DNAH14: variants seen among roughly 807,000 people sequenced by gnomAD.
DNAH14 encodes the protein dynein axonemal heavy chain 14.
Under a neutral mutation model 520.9 loss-of-function variants are expected in DNAH14, and 478 were observed. The ratio of observed to expected loss-of-function variants is 0.92; its 90% CI spans 0.85 to 0.99. The LOEUF (loss-of-function observed/expected upper bound fraction) is 0.99, where lower values mean the gene tolerates loss of function less well. Ranked by LOEUF, DNAH14 falls within the 50% of genes least tolerant of loss-of-function variation. DNAH14 has a pLI of 0.00. For synonymous variants in DNAH14, 1,581 were observed against 1,757.2 expected, an observed-to-expected ratio of 0.90 and a Z score of 2.51; for missense variants, 4,831 against 5,234.5, an observed-to-expected ratio of 0.92 and a Z score of 2.38.
At chr1:225,072,986 G>C (rs540512493) in intron 17 of DNAH14, among the ~76,000 whole-genome samples, 1 of 152,152 alleles carries the variant, frequency 6.6e-6, no homozygotes, top group African/African-American at 2.4e-5. Context: ...GAATGGGATT[G>C]GGAACCCACT....
intron 75 of DNAH14, among the ~76,000 whole-genome samples, chr1:225,363,848 GTC>G (rs1316302258): frequency 6.6e-6 from 1 of 152,136 alleles, no homozygotes; most frequent in Non-Finnish European, 1.5e-5. Flanking sequence ...AAAGAAAAAA[GTC>G]TGTATAGGTT....
At chr1:224,948,472 T>C (rs2059981461) in intron 1 of DNAH14, among the ~76,000 whole-genome samples, 2 of 151,972 alleles carry the variant, frequency 1.3e-5, no homozygotes, top group Non-Finnish European at 2.9e-5. Flanking sequence ...GTTTCGGAAA[T>C]TTGTCTTTTG....
At chr1:225,138,859 G>C (rs558640761) in intron 27 of DNAH14, among the ~76,000 whole-genome samples, 4 of 151,936 alleles carry the variant, frequency 2.6e-5, no homozygotes, top group Non-Finnish European at 5.9e-5. Context: ...TTCCCGATGC[G>C]AGAACCTGGA....
intron 36 of DNAH14, among the ~76,000 whole-genome samples, chr1:225,178,722 G>T (rs539375516): frequency 3.3e-5 from 5 of 152,170 alleles, no homozygotes; most frequent in Non-Finnish European, 5.9e-5. Flanking sequence ...GACTTTGGGG[G>T]ACTGTTGGGA....
At chr1:224,999,524 A>G (rs2063612523) in intron 8 of DNAH14, among the ~76,000 whole-genome samples, 1 of 152,144 alleles carries the variant, frequency 6.6e-6, no homozygotes, top group African/African-American at 2.4e-5. Flanking sequence ...ATTTTAAAAT[A>G]CATTCTACCA....
chr1:225,298,809 G>C (rs2094072889), intron 55 of DNAH14, among the ~76,000 whole-genome samples: 2 of 152,216 alleles, frequency 1.3e-5, no homozygotes, highest in Admixed American at 1.3e-4. Context: ...CCCAGGGCTA[G>C]AAAGGACTCT....
chr1:225,394,215 T>A (rs2095969907), intron 84 of DNAH14, among the ~76,000 whole-genome samples: 1 of 152,236 alleles, frequency 6.6e-6, no homozygotes, highest in Non-Finnish European at 1.5e-5. Flanking sequence ...GGATTTCCTC[T>A]TTTGTGAAGA....
intron 3 of DNAH14, among the ~76,000 whole-genome samples, chr1:224,956,369 A>T (rs547201913): frequency 6.6e-6 from 1 of 152,280 alleles, no homozygotes; most frequent in South Asian, 2.1e-4. Flanking sequence ...CCATAAGATA[A>T]TAATACTGTA....
chr1:225,035,019 A>G (rs2066841369), intron 11 of DNAH14, among the ~76,000 whole-genome samples: 1 of 148,782 alleles, frequency 6.7e-6, no homozygotes, highest in South Asian at 2.2e-4. Flanking sequence ...TTTTTCAAAA[A>G]CAACAGCTCC....
chr1:225,230,342 C>T (rs1202368119), intron 41 of DNAH14, among the ~76,000 whole-genome samples: 2 of 151,888 alleles, frequency 1.3e-5, no homozygotes, highest in African/African-American at 4.8e-5. Flanking sequence ...TATTTAGGTT[C>T]AAATTTTAAA....
At chr1:225,103,923 CTA>C (rs2075768025) in intron 23 of DNAH14, among the ~76,000 whole-genome samples, 1 of 138,466 alleles carries the variant, frequency 7.2e-6, no homozygotes, top group Non-Finnish European at 1.5e-5. Context: ...ACTTCCAACA[CTA>C]TGTTGAATAG....
In DNAH14 at chr1:225,399,035, A is replaced by AAC; in HGVS notation, c.13639-19_13639-18insAC. 1.7e-6 allele frequency: 2 copies of AAC among 1,149,582 alleles called. No individual in the cohort carries two copies. The highest frequency in any genetic ancestry group is 3.0e-5 in the South Asian group (2 of 65,956). The allele number at this position is 1,149,582 out of a possible 1,614,324, so 71.2% of individuals were successfully genotyped here. A position where few individuals can be genotyped will look rare whatever the true frequency, so the allele number is the denominator to read the frequency against. ...TTGAACTATGCAATTTGACTACTGG[A>AAC]TTTTTTTTTTTTTTAAAGATTTCTA... is the stretch of plus-strand genomic sequence containing the variant. On this transcript the variant is annotated intron_variant, in intron 85 of 85. Coordinates refer to ENST00000682510, the MANE Select transcript of DNAH14 (RefSeq NM_001367479.1).
At chr1:225,181,495 T>A (rs533116279) in intron 36 of DNAH14, among the ~76,000 whole-genome samples, 2 of 152,222 alleles carry the variant, frequency 1.3e-5, no homozygotes, top group African/African-American at 4.8e-5. Flanking sequence ...CATATGTTTT[T>A]GTTTTACATT....
chr1:225,365,279 A>G (rs1046642791), intron 76 of DNAH14, among the ~76,000 whole-genome samples: 2 of 152,224 alleles, frequency 1.3e-5, no homozygotes, highest in African/African-American at 2.4e-5. Flanking sequence ...ACTGTTTACT[A>G]AAAAGTCCTC....
intron 1 of DNAH14, among the ~76,000 whole-genome samples, chr1:224,946,197 C>T (rs892258156): frequency 3.9e-5 from 6 of 152,264 alleles, no homozygotes; most frequent in South Asian, 2.1e-4. Context: ...CAATTATGGG[C>T]GCCCCTCCCT....
At chr1:225,320,483 T>C (rs1275072037) in intron 61 of DNAH14, among the ~76,000 whole-genome samples, 1 of 152,246 alleles carries the variant, frequency 6.6e-6, no homozygotes, top group Non-Finnish European at 1.5e-5. Context: ...GATCCTCCTT[T>C]GTTATATTGC....
In DNAH14 at chr1:225,187,814, G is replaced by T. The variant is rs150567736; in HGVS notation, c.5670+2389G>T. On this transcript the variant is annotated intron_variant, in intron 37 of 85. Transcript: ENST00000682510. ...TGTTATCTTTTTGTTGTTCAGTTGT[G>T]AGAGTTCTTTATATATTCTGGACAC... Among the ~76,000 whole-genome samples the T allele has an allele frequency of 9.0e-4, 137 of 151,848 alleles. 1 individual carries two copies. Among genetic ancestry groups the T allele is most frequent in the African/African-American group, 3.1e-3 (130 of 41,496 alleles).
chr1:224,973,024 T>C (rs1323619180), intron 7 of DNAH14, among the ~76,000 whole-genome samples: 2 of 152,188 alleles, frequency 1.3e-5, no homozygotes, highest in Admixed American at 1.3e-4. Flanking sequence ...AGGGATCTTC[T>C]AGGGTTCTGA....
At chr1:225,359,912 T>A (rs1167325376) in intron 74 of DNAH14, among the ~76,000 whole-genome samples, 1 of 152,226 alleles carries the variant, frequency 6.6e-6, no homozygotes, top group Non-Finnish European at 1.5e-5. Flanking sequence ...AGGGTAAACA[T>A]GTGTCATGGT....
Sources: gnomAD v4.1 joint callset for allele counts (sites outside exome capture counted in the v4.1 genomes callset) on GRCh38, gnomAD v4.1.1 for gene constraint, MANE v1.5 for transcripts, NCBI Gene and HGNC (gene_info 2026-07-23, HGNC 2026-07-21) for gene names.